Variants in TMEM132D observed in about 807,000 individuals in gnomAD.
The protein encoded by TMEM132D is mature OL transmembrane protein.
In TMEM132D, 21 loss-of-function variants were observed where a neutral mutation model predicts 62.3. The observed-to-expected ratio is 0.34, with a 90% CI of 0.24 to 0.49. The LOEUF is 0.49. Ranked by LOEUF, TMEM132D falls within the 20% of genes least tolerant of loss-of-function variation. TMEM132D has a pLI of 0.99. For missense variants in TMEM132D, 1,346 were observed against 1,402.8 expected, an observed-to-expected ratio of 0.96 and a Z score of 0.65; for synonymous variants, 621 against 575.6, an observed-to-expected ratio of 1.08 and a Z score of -1.13.
chr12:129,285,275 T>C lies in TMEM132D; in HGVS notation c.1299+52359A>G, dbSNP rs140773679. ...GGCTCACGCCTGTAATCTCAGCACT[T>C]TGGGAGGCCAAAGTAGGTGGATTGC... On this transcript the variant is annotated intron_variant, in intron 4 of 8. Coordinates refer to ENST00000422113, the MANE Select transcript of TMEM132D (RefSeq NM_133448.3). Among the ~76,000 whole-genome samples, 1,495 of 151,610 alleles carry C rather than the reference T, an allele frequency of 9.9e-3. 51 individuals are homozygous for C. The highest frequency in any genetic ancestry group is 0.067 in the East Asian group (345 of 5,126).
intron 2 of TMEM132D, among the ~76,000 whole-genome samples, chr12:129,587,585 C>G (rs1013706693): frequency 2.0e-5 from 3 of 152,072 alleles, no homozygotes; most frequent in African/African-American, 7.2e-5. Context: ...AAATGCATTC[C>G]CAAAGCTGTA....
At chr12:129,116,853 T>TA (rs1302590390) in intron 5 of TMEM132D, among the ~76,000 whole-genome samples, 1 of 134,348 alleles carries the variant, frequency 7.4e-6, no homozygotes, top group African/African-American at 2.8e-5. Context: ...AAATTAAACA[T>TA]ATCTTGCCAT....
intron 4 of TMEM132D, among the ~76,000 whole-genome samples, chr12:129,253,948 G>T (rs533529118): frequency 6.6e-6 from 1 of 152,248 alleles, no homozygotes; most frequent in Non-Finnish European, 1.5e-5. Context: ...AGTGAACAAC[G>T]TAAAAGCCCA....
intron 4 of TMEM132D, among the ~76,000 whole-genome samples, chr12:129,256,985 G>C (rs1376950186): frequency 6.6e-6 from 1 of 152,164 alleles, no homozygotes; most frequent in Non-Finnish European, 1.5e-5. Context: ...TTAGCAGCTG[G>C]CCAGAGAGCT....
chr12:129,382,220 C>T (rs1305755205), intron 3 of TMEM132D, among the ~76,000 whole-genome samples: 2 of 152,220 alleles, frequency 1.3e-5, no homozygotes, highest in Non-Finnish European at 2.9e-5. Flanking sequence ...AAGGCTCTGT[C>T]TTTGAAACTT....
At position 129,337,589 on chromosome 12, in the gene TMEM132D, C is replaced by T. The variant is rs746444239; in HGVS notation, c.1299+45G>A. 1.6e-5 allele frequency: 25 copies of T among 1,608,918 alleles called. No homozygotes were observed. In the East Asian group the frequency reaches 3.3e-4, roughly 22 times the overall value. The stretch of plus-strand genomic sequence containing the variant: ...CTCAGTGCGGCGCCGGCGCCTTCCC[C>T]TCCCCCGAGTTCAGTTCTAACAGCC... On this transcript the variant is annotated intron_variant, in intron 4 of 8. Transcript: ENST00000422113.
At chr12:129,593,316 C>T (rs1299777955) in intron 2 of TMEM132D, among the ~76,000 whole-genome samples, 1 of 152,108 alleles carries the variant, frequency 6.6e-6, no homozygotes, top group East Asian at 1.9e-4. Flanking sequence ...AAAACTATCC[C>T]AACTCAAGGA....
rs527700034 is a variant in TMEM132D at position 129,205,788 on chromosome 12, CAA to C, written c.1443+3730_1443+3731del. ...GACATAAAACAATCCTTAGCAAATT[CAA>C]AAAAAAAAATTGAAACCATACCAAC... On this transcript the variant is annotated intron_variant, in intron 5 of 8. Coordinates refer to ENST00000422113, the MANE Select transcript of TMEM132D (RefSeq NM_133448.3). Among the ~76,000 whole-genome samples, 69 of 146,084 alleles carry C rather than the reference CAA, an allele frequency of 4.7e-4. 1 individual carries two copies. The highest frequency in any genetic ancestry group is 3.7e-3 in the South Asian group (17 of 4,600).
intron 5 of TMEM132D, among the ~76,000 whole-genome samples, chr12:129,117,153 T>C (rs371482007): frequency 9.0e-4 from 137 of 152,222 alleles, no homozygotes; most frequent in African/African-American, 3.2e-3. Context: ...AAGAAGCCAG[T>C]CTGAAATGGC....
chr12:129,341,545 T>C (rs1047345178), intron 3 of TMEM132D, among the ~76,000 whole-genome samples: 1 of 152,196 alleles, frequency 6.6e-6, no homozygotes, highest in Non-Finnish European at 1.5e-5. Flanking sequence ...TGGCCCTTGC[T>C]GGGCAGCATT....
At position 129,356,658 on chromosome 12, in the gene TMEM132D, AAATAAATAAAT is replaced by A. The variant is rs776941587; in HGVS notation, c.1116-18852_1116-18842del. On this transcript the variant is annotated intron_variant, in intron 3 of 8. Coordinates refer to ENST00000422113, the MANE Select transcript of TMEM132D (RefSeq NM_133448.3). ...CATGGTGAAACCCTGTCTCTACAAT[AAATAAATAAAT>A]AAATAAATAAATAAATAAATAAATA... Among the ~76,000 whole-genome samples the A allele has an allele frequency of 5.4e-3, 781 of 143,942 alleles. 7 individuals carry two copies. Among genetic ancestry groups the A allele is most frequent in the Non-Finnish European group, 7.9e-3 (519 of 66,014 alleles). 94.4% of individuals were successfully genotyped at this position (143,942 alleles called of 152,430 possible).
chr12:129,134,712 G>T (rs1265987646), intron 5 of TMEM132D, among the ~76,000 whole-genome samples: 1 of 152,162 alleles, frequency 6.6e-6, no homozygotes, highest in Admixed American at 6.5e-5. Context: ...AGACAGACTG[G>T]GTTTGAGGCC....
intron 3 of TMEM132D, among the ~76,000 whole-genome samples, chr12:129,380,216 T>C (rs761687239): frequency 3.0e-4 from 46 of 152,156 alleles, no homozygotes; most frequent in Non-Finnish European, 2.9e-4. Context: ...TAAAAACTTA[T>C]ACAAATGCAT....
chr12:129,120,702 C>A (rs909344773), intron 5 of TMEM132D, among the ~76,000 whole-genome samples: 12 of 152,106 alleles, frequency 7.9e-5, no homozygotes, highest in Admixed American at 7.9e-4. Context: ...TCATATAATT[C>A]TCCTGGCTTT....
At chr12:129,687,080 G>A (rs1352253337) in intron 2 of TMEM132D, among the ~76,000 whole-genome samples, 1 of 152,150 alleles carries the variant, frequency 6.6e-6, no homozygotes, top group East Asian at 1.9e-4. Context: ...TCCTTGCAAG[G>A]TTGTCCTGAG....
chr12:129,835,460 GT>G (rs1872976434), intron 1 of TMEM132D, among the ~76,000 whole-genome samples: 1 of 151,832 alleles, frequency 6.6e-6, no homozygotes, highest in African/African-American at 2.4e-5. Context: ...CCGGCTAATT[GT>G]TTTATTTTTA....
chr12:129,315,193 G>A (rs1868442152), intron 4 of TMEM132D, among the ~76,000 whole-genome samples: 1 of 152,140 alleles, frequency 6.6e-6, no homozygotes, highest in Non-Finnish European at 1.5e-5. Flanking sequence ...GAAGAGGAGT[G>A]GTGAGAGTGG....
chr12:129,898,989 T>C lies in TMEM132D; in HGVS notation c.79+4272A>G, dbSNP rs1875241528. 2.0e-5 allele frequency among the ~76,000 whole-genome samples: 3 copies of C among 152,240 alleles called. No individual in the cohort carries two copies. In the South Asian group the frequency reaches 6.2e-4, roughly 31 times the overall value. On this transcript the variant is annotated intron_variant, in intron 1 of 8. Transcript: ENST00000422113. ...TGACATCTAGAGGAATGACTGGCAC[T>C]AAACATCCCTACCTAAGGACGCTTT... is the stretch of plus-strand genomic sequence containing the variant.
At chr12:129,494,705 C>A (rs1874896224) in intron 3 of TMEM132D, among the ~76,000 whole-genome samples, 1 of 152,058 alleles carries the variant, frequency 6.6e-6, no homozygotes, top group African/African-American at 2.4e-5. Flanking sequence ...CATGATATGT[C>A]CCTCCTCCAA....
Sources: gnomAD v4.1 joint callset for allele counts (sites outside exome capture counted in the v4.1 genomes callset) on GRCh38, gnomAD v4.1.1 for gene constraint, MANE v1.5 for transcripts, NCBI Gene and HGNC (gene_info 2026-07-23, HGNC 2026-07-21) for gene names.